CPD: variants seen among roughly 807,000 people sequenced by gnomAD.
CPD encodes the protein carboxypeptidase D.
In CPD, 69 loss-of-function variants were observed where a neutral mutation model predicts 138.3. The ratio of observed to expected loss-of-function variants is 0.50; its 90% CI spans 0.41 to 0.61. CPD has a LOEUF of 0.61. CPD is among the 20% of genes least tolerant of loss of function. The probability of loss-of-function intolerance (pLI) is 0.00; values close to 1 mark genes in which losing one functional copy is unlikely to be tolerated. For synonymous variants in CPD, 651 were observed against 642.1 expected, an observed-to-expected ratio of 1.01 and a Z score of -0.21; for missense variants, 1,432 against 1,733.3, an observed-to-expected ratio of 0.83 and a Z score of 3.09.
intron 2 of CPD, among the ~76,000 whole-genome samples, chr17:30,419,792 A>G (rs1166953013): frequency 6.6e-6 from 1 of 152,258 alleles, no homozygotes; most frequent in Non-Finnish European, 1.5e-5. Context: ...TGACGGAAGC[A>G]TATCTTTTGG....
chr17:30,379,052 G>A lies in CPD; in HGVS notation c.72G>A (p.Leu24=). 6.4e-7 allele frequency: 1 copy of A among 1,563,680 alleles called. No homozygotes were observed. Among genetic ancestry groups the A allele is most frequent in the Non-Finnish European group, 8.6e-7 (1 of 1,161,848 alleles). The change falls in exon 1 of 21, where the codon CTG becomes CTA. Residue 24 remains leucine (L), a synonymous_variant. Coordinates refer to ENST00000225719, the MANE Select transcript of CPD (RefSeq NM_001304.5). The surrounding 1 kb of genome is among the most constrained non-coding windows in gnomAD (Gnocchi z 7.0). ...TCCTGTTGCTCATGTGCCTGCTGCT[G>A]CTGGGGAGCTCGGCCCGGGCGGCTC... ...GRLLLLMCLL[L]LGSSARAAHI...
At chr17:30,432,011 GA>G (rs1365566908) in intron 8 of CPD, 130 bp downstream of exon 8, 3 of 639,892 alleles carry the variant, frequency 4.7e-6, no homozygotes, top group Non-Finnish European at 7.9e-6. Context: ...AGCTGTTTCC[GA>G]AAAATAGCTT....
intron 2 of CPD, among the ~76,000 whole-genome samples, chr17:30,416,746 G>C (rs1912117581): frequency 6.6e-6 from 1 of 152,124 alleles, no homozygotes; most frequent in Non-Finnish European, 1.5e-5. Flanking sequence ...TCCTCATGAA[G>C]GCTTTTTATA....
chr17:30,433,976 C>A (rs140330967), intron 8 of CPD, among the ~76,000 whole-genome samples: 8 of 152,268 alleles, frequency 5.3e-5, no homozygotes, highest in African/African-American at 1.9e-4. Flanking sequence ...TAATTAAACT[C>A]CCCAGTCTTC....
chr17:30,411,055 G>A (rs1176608872), intron 2 of CPD, among the ~76,000 whole-genome samples: 1 of 152,110 alleles, frequency 6.6e-6, no homozygotes, highest in Non-Finnish European at 1.5e-5. Flanking sequence ...CAGGTCTGGT[G>A]GTGACAAAAT....
rs1378051637 is a variant in CPD at position 30,469,469 on chromosome 17, G to A, written c.*4655G>A. 1.3e-5 allele frequency: 2 copies of A among 152,118 alleles called. No homozygotes were observed. The highest frequency in any genetic ancestry group is 6.5e-5 in the Admixed American group (1 of 15,274). 9.4% of individuals were successfully genotyped at this position (152,118 alleles called of 1,614,324 possible). ...AATTAAATGAAATAATGTTAGCAAA[G>A]GTCCCAACATAATATTTGACTTGGA... On this transcript the variant is annotated 3_prime_UTR_variant, in exon 21 of 21. Coordinates refer to ENST00000225719, the MANE Select transcript of CPD (RefSeq NM_001304.5).
intron 6 of CPD, among the ~76,000 whole-genome samples, chr17:30,424,955 C>G (rs1912364055): frequency 6.6e-6 from 1 of 152,162 alleles, no homozygotes; most frequent in African/African-American, 2.4e-5. Context: ...CCCAGAAGCT[C>G]ACTTGAACAA....
chr17:30,412,280 G>A (rs2143387692), intron 2 of CPD, among the ~76,000 whole-genome samples: 1 of 152,286 alleles, frequency 6.6e-6, no homozygotes, highest in African/African-American at 2.4e-5. Context: ...GCCTGTATGA[G>A]GTGTCTGTCG....
At chr17:30,455,885 G>T in intron 15 of CPD, 1 of 252,076 alleles carries the variant, frequency 4.0e-6, no homozygotes, top group South Asian at 6.4e-5. Flanking sequence ...TAAATAGTTG[G>T]TTGTTTAATC....
At chr17:30,390,547 G>A (rs1344836213) in intron 2 of CPD, among the ~76,000 whole-genome samples, 1 of 152,212 alleles carries the variant, frequency 6.6e-6, no homozygotes, top group Non-Finnish European at 1.5e-5. Flanking sequence ...CCGGTATACA[G>A]TGAGAGCAAA....
rs1366642019 is a variant in CPD, at chr17:30,466,061, G to A, written c.*1247G>A. Reference sequence around the variant, plus strand: ...TGACTGCTGAGTGATAAAACACTGTGGTGTGAAAGTGTCATCTTCACTGCC... The same window carrying A: ...TGACTGCTGAGTGATAAAACACTGTAGTGTGAAAGTGTCATCTTCACTGCC... On this transcript the variant is annotated 3_prime_UTR_variant, in exon 21 of 21. Coordinates refer to ENST00000225719, the MANE Select transcript of CPD (RefSeq NM_001304.5). 1 of 152,578 alleles carries A rather than the reference G, an allele frequency of 6.6e-6. No individual in the cohort carries two copies. The highest frequency in any genetic ancestry group is 1.5e-5 in the Non-Finnish European group (1 of 68,018). 9.5% of individuals were successfully genotyped at this position (152,578 alleles called of 1,614,324 possible).
intron 14 of CPD, chr17:30,454,184 T>C (rs1434992870): frequency 6.6e-6 from 1 of 152,376 alleles, no homozygotes; most frequent in African/African-American, 2.4e-5. Flanking sequence ...TCTTTTCTAT[T>C]GCATAGTCAG....
In CPD at chr17:30,455,266, G is replaced by A. The variant is rs1913264066; in HGVS notation, c.3206-73G>A. 4.9e-6 allele frequency: 6 copies of A among 1,232,100 alleles called. No homozygotes were observed. In the Admixed American group the frequency reaches 1.4e-4, roughly 28 times the overall value. 76.3% of individuals were successfully genotyped at this position (1,232,100 alleles called of 1,614,324 possible). On this transcript the variant is annotated intron_variant, in intron 14 of 20. Coordinates refer to ENST00000225719, the MANE Select transcript of CPD (RefSeq NM_001304.5). The stretch of plus-strand genomic sequence containing the variant: ...TTAGCATTTTGATTGTATTCAAGTA[G>A]AGAATATTTTCTTAGATACTCATAC...
At chr17:30,437,717 G>A (rs9890033) in intron 8 of CPD, among the ~76,000 whole-genome samples, 17 of 151,964 alleles carry the variant, frequency 1.1e-4, no homozygotes, top group Admixed American at 1.1e-3. Flanking sequence ...CAAAACCAAA[G>A]CAAAAGAGCA....
At chr17:30,392,112 C>T (rs1007286391) in intron 2 of CPD, among the ~76,000 whole-genome samples, 10 of 151,192 alleles carry the variant, frequency 6.6e-5, no homozygotes, top group African/African-American at 1.5e-4. Flanking sequence ...CAGGTTCCAG[C>T]GATTCTCCTG....
At chr17:30,460,671 T>A (rs1030275952) in intron 17 of CPD, among the ~76,000 whole-genome samples, 6 of 152,158 alleles carry the variant, frequency 3.9e-5, no homozygotes, top group Non-Finnish European at 8.8e-5. Context: ...GAAAAGGTGG[T>A]AAGTTGGGTT....
At chr17:30,464,201 G>T (rs1913569164) in intron 20 of CPD, among the ~76,000 whole-genome samples, 1 of 151,932 alleles carries the variant, frequency 6.6e-6, no homozygotes, top group Non-Finnish European at 1.5e-5. Context: ...GACTAGCCTG[G>T]GCAACATGGC....
rs960065832 is a variant in CPD at position 30,455,576 on chromosome 17, ACT to A, written c.3337+109_3337+110del. 1.4e-4 allele frequency: 184 copies of A among 1,272,806 alleles called. 1 individual carries two copies. Among genetic ancestry groups the A allele is most frequent in the Admixed American group, 2.8e-4 (12 of 43,294 alleles). 78.8% of individuals were successfully genotyped at this position (1,272,806 alleles called of 1,614,324 possible). A position where few individuals can be genotyped will look rare whatever the true frequency, so the allele number is the denominator to read the frequency against. On this transcript the variant is annotated intron_variant, in intron 15 of 20. Transcript: ENST00000225719. ...TTATAAATAGTGAGCATTTGAGCAC[ACT>A]CTATGAGCAAATTACCAACCAAAGA...
chr17:30,461,082 G>C, intron 17 of CPD, 98 bp from the exon 18 acceptor site: 1 of 915,876 alleles, frequency 1.1e-6, no homozygotes, highest in South Asian at 2.5e-5. Context: ...CGTCAGCTAC[G>C]TTTTCTTTTC....
Sources: allele counts gnomAD v4.1 joint callset (sites outside exome capture counted in the v4.1 genomes callset), GRCh38; gene constraint gnomAD v4.1.1; non-coding constraint Gnocchi (gnomAD v3.1); transcripts MANE v1.5; gene names NCBI Gene and HGNC (gene_info 2026-07-23, HGNC 2026-07-21).